The following PHTF2 variants were observed in gnomAD, a reference collection of about 807,000 sequenced individuals.
PHTF2 encodes the protein protein PHTF2.
Under a neutral mutation model 101.2 loss-of-function variants are expected in PHTF2, and 60 were observed. The observed-to-expected ratio is 0.59, with a 90% CI of 0.48 to 0.73. The LOEUF is 0.73. PHTF2 is among the 30% of genes least tolerant of loss of function. The probability of loss-of-function intolerance (pLI) is 0.00; values close to 1 mark genes in which losing one functional copy is unlikely to be tolerated. For missense variants in PHTF2, 747 were observed against 908.7 expected (o/e 0.82, Z 2.29); for synonymous variants, 311 against 307.3 (o/e 1.01, Z -0.13).
intron 15 of PHTF2, among the ~76,000 whole-genome samples, chr7:77,941,295 T>A (rs1805618300): frequency 6.6e-6 from 1 of 152,144 alleles, no homozygotes; most frequent in Non-Finnish European, 1.5e-5. Flanking sequence ...TTTAAAAAAT[T>A]CATTGTTCTG....
exon 15 of PHTF2, chr7:77,940,546 C>G (rs1416887064): frequency 6.2e-7 from 1 of 1,601,504 alleles, no homozygotes; most frequent in Non-Finnish European, 8.5e-7. Context: ...TTTTGCAAAA[C>G]TCTTTGGACA....
At chr7:77,922,037 T>A (rs1225316256) in intron 10 of PHTF2, among the ~76,000 whole-genome samples, 4 of 147,166 alleles carry the variant, frequency 2.7e-5, no homozygotes, top group Non-Finnish European at 4.5e-5. Flanking sequence ...TTTTTTTTTT[T>A]TTTGAGACAT....
Position 77,922,017 on chromosome 7 carries a change from C to CTTT in PHTF2, c.964-585_964-583dup, listed in dbSNP as rs35763664. ...TTCTGCTTTTCTCCTGTTTATATTC[C>CTTT]TTTTTTTTTTTTTTTTTTTTTTTGA... On this transcript the variant is annotated intron_variant, in intron 10 of 19. Coordinates refer to ENST00000416283, the Ensembl canonical transcript of PHTF2. Among the ~76,000 whole-genome samples the CTTT allele has an allele frequency of 2.7e-3, 259 of 95,286 alleles. 6 individuals carry two copies. Among genetic ancestry groups the CTTT allele is most frequent in the African/African-American group, 6.8e-3 (151 of 22,210 alleles). 62.5% of individuals were successfully genotyped at this position (95,286 alleles called of 152,430 possible).
At chr7:77,829,010 A>C (rs553565596) in intron 1 of PHTF2, among the ~76,000 whole-genome samples, 2 of 152,076 alleles carry the variant, frequency 1.3e-5, no homozygotes, top group Non-Finnish European at 2.9e-5. Flanking sequence ...CCGGCCCCAC[A>C]AGAAGTTAAA....
chr7:77,900,752 A>G (rs1450407033), exon 6 of PHTF2: 1 of 1,570,686 alleles, frequency 6.4e-7, no homozygotes, highest in Admixed American at 1.7e-5. Context: ...ATGTGAAACC[A>G]GACCTCATAG....
exon 9 of PHTF2, chr7:77,910,359 C>T (rs775692272): frequency 5.0e-6 from 8 of 1,613,740 alleles, no homozygotes; most frequent in East Asian, 4.5e-5. Context: ...CCTCTCACAG[C>T]GTTGGCACTG....
chr7:77,944,002 C>T (rs1347873401), intron 16 of PHTF2, among the ~76,000 whole-genome samples: 2 of 150,962 alleles, frequency 1.3e-5, no homozygotes, highest in African/African-American at 4.9e-5. Context: ...ACTCTGTCTC[C>T]AAAAACAAAC....
At chr7:77,953,962 T>A in intron 19 of PHTF2, 68 bp downstream of exon 18, 1 of 1,364,748 alleles carries the variant, frequency 7.3e-7, no homozygotes, top group Non-Finnish European at 1.0e-6. Flanking sequence ...CATTTTACCC[T>A]CACATGCACA....
chr7:77,818,110 C>CA (rs776568833), intron 1 of PHTF2, among the ~76,000 whole-genome samples: 4,721 of 90,340 alleles, frequency 0.052, 92 homozygotes, highest in Middle Eastern at 0.14. Context: ...AACTCCGTCT[C>CA]AAAAAAAAAA....
intron 3 of PHTF2, among the ~76,000 whole-genome samples, chr7:77,871,541 C>T (rs757384356): frequency 2.0e-5 from 3 of 152,190 alleles, no homozygotes; most frequent in Non-Finnish European, 2.9e-5. Context: ...TAGTGTATCA[C>T]TAGGGGTGAT....
chr7:77,935,206 A>AATTTACCC (rs1180904589), intron 12 of PHTF2, among the ~76,000 whole-genome samples: 18 of 129,252 alleles, frequency 1.4e-4, no homozygotes, highest in African/African-American at 5.1e-4. Context: ...TTGAACATGT[A>AATTTACCC]ATTTACCCTT....
At chr7:77,799,258 C>T (rs756446978) in intron 1 of PHTF2, among the ~76,000 whole-genome samples, 1 of 152,154 alleles carries the variant, frequency 6.6e-6, no homozygotes, top group African/African-American at 2.4e-5. Flanking sequence ...GGTGACGGGC[C>T]GAAGCCCAGC....
exon 11 of PHTF2, chr7:77,922,691 C>T: frequency 6.2e-7 from 1 of 1,610,118 alleles, no homozygotes; most frequent in Non-Finnish European, 8.5e-7. Context: ...AAACAGGATA[C>T]TCATTACGTC....
At chr7:77,811,757 T>G (rs1793461184) in intron 1 of PHTF2, among the ~76,000 whole-genome samples, 1 of 152,164 alleles carries the variant, frequency 6.6e-6, no homozygotes, top group Non-Finnish European at 1.5e-5. Context: ...CTCTAAGCAG[T>G]GTTGATTTCT....
intron 3 of PHTF2, among the ~76,000 whole-genome samples, chr7:77,856,495 A>G (rs1217365350): frequency 3.3e-5 from 5 of 152,088 alleles, no homozygotes; most frequent in Non-Finnish European, 7.4e-5. Flanking sequence ...AGCTGGGACT[A>G]CAGGCACGCA....
At position 77,949,672 on chromosome 7, in the gene PHTF2, T is replaced by C; in HGVS notation, c.1960-6T>C. On this transcript the variant is annotated splice_polypyrimidine_tract_variant and splice_region_variant and intron_variant, in intron 16 of 19. Coordinates refer to ENST00000416283, the Ensembl canonical transcript of PHTF2. ...CTGCTTTATGTTACCTTTTTCATAC[T>C]TTTAGCTACTTCATGTACACGAGAT... 1 of 1,525,816 alleles carries C rather than the reference T, an allele frequency of 6.6e-7. No individual in the cohort carries two copies. Among genetic ancestry groups the C allele is most frequent in the Non-Finnish European group, 8.9e-7 (1 of 1,121,208 alleles). The allele number at this position is 1,525,816 out of a possible 1,614,324, so 94.5% of individuals were successfully genotyped here. A position where few individuals can be genotyped will look rare whatever the true frequency, so the allele number is the denominator to read the frequency against.
chr7:77,803,688 C>CGTGTGTGTGTGTGT (rs34239792), intron 1 of PHTF2, among the ~76,000 whole-genome samples: 5 of 140,862 alleles, frequency 3.5e-5, no homozygotes, highest in African/African-American at 1.3e-4. Flanking sequence ...GTTGAACAGG[C>CGTGTGTGTGTGTGT]GTGTGTGTGT....
intron 3 of PHTF2, among the ~76,000 whole-genome samples, chr7:77,873,790 C>G (rs1229512218): frequency 6.6e-6 from 1 of 152,198 alleles, no homozygotes; most frequent in African/African-American, 2.4e-5. Flanking sequence ...GTTTCAGGGT[C>G]GCATTCTTTT....
chr7:77,805,741 T>G (rs1725810060), intron 1 of PHTF2, among the ~76,000 whole-genome samples: 1 of 152,266 alleles, frequency 6.6e-6, no homozygotes, highest in African/African-American at 2.4e-5. Context: ...TAACTTGATT[T>G]CGCTCTGGTC....
Sources: allele counts gnomAD v4.1 joint callset (sites outside exome capture counted in the v4.1 genomes callset), GRCh38; gene constraint gnomAD v4.1.1; transcripts MANE v1.5; gene names NCBI Gene and HGNC (gene_info 2026-07-23, HGNC 2026-07-21).